The following NBAS variants were observed in gnomAD, a reference collection of about 807,000 sequenced individuals.
The protein encoded by NBAS is NBAS subunit of NRZ tethering complex.
NBAS carries 219 observed loss-of-function variants against 302.5 expected under a neutral mutation model. That is an observed-to-expected ratio of 0.72 (90% CI 0.65 to 0.81). NBAS has a LOEUF of 0.81. Among genes scored for constraint, NBAS ranks in the 30% least tolerant of loss-of-function variants. NBAS has a pLI of 0.00. For synonymous variants in NBAS, 1,118 were observed against 1,021.6 expected (o/e 1.09, Z -1.80); for missense variants, 2,932 against 2,841.6 (o/e 1.03, Z -0.72).
chr2:15,264,688 G>A (rs1392753001), intron 44 of NBAS, among the ~76,000 whole-genome samples: 1 of 152,136 alleles, frequency 6.6e-6, no homozygotes, highest in Non-Finnish European at 1.5e-5. Flanking sequence ...TAAAACACGG[G>A]AGCAGTTATC....
chr2:15,178,847 C>T, intron 51 of NBAS, 141 bp downstream of exon 51: 1 of 1,203,184 alleles, frequency 8.3e-7, no homozygotes, highest in Non-Finnish European at 1.2e-6. Flanking sequence ...AAAACAGGAA[C>T]AGCTATTGTG....
intron 42 of NBAS, 35 bp from the exon 43 acceptor site, chr2:15,277,136 T>C: frequency 1.3e-6 from 2 of 1,594,660 alleles, no homozygotes; most frequent in South Asian, 2.2e-5. Context: ...GTGTTAAGAT[T>C]TTGTTCCTTT....
At chr2:15,052,170 A>G in the NBAS span, among the ~76,000 whole-genome samples, 1 of 152,238 alleles carries the variant, frequency 6.6e-6, no homozygotes, top group Non-Finnish European at 1.5e-5. Context: ...ATAGAAAATT[A>G]CAATAAAAGG....
chr2:15,271,169 CTTAT>C (rs1414434345), intron 44 of NBAS, among the ~76,000 whole-genome samples: 7 of 152,112 alleles, frequency 4.6e-5, no homozygotes, highest in African/African-American at 1.7e-4. Context: ...GAAACGGTGG[CTTAT>C]TTAGAGAATC....
intron 51 of NBAS, among the ~76,000 whole-genome samples, chr2:15,175,058 C>A (rs1178754031): frequency 1.3e-5 from 2 of 152,144 alleles, no homozygotes; most frequent in Non-Finnish European, 1.5e-5. Context: ...GCTCCACCTC[C>A]CGGGTCCACA....
chr2:14,826,240 G>A, the NBAS span, among the ~76,000 whole-genome samples: 275 of 152,292 alleles, frequency 1.8e-3, 1 homozygote, highest in African/African-American at 6.4e-3. Context: ...ACAAGTCTTT[G>A]TAATTATGTA....
chr2:14,837,046 A>G, the NBAS span, among the ~76,000 whole-genome samples: 1 of 151,968 alleles, frequency 6.6e-6, no homozygotes, highest in South Asian at 2.1e-4. Flanking sequence ...TAAAATATTA[A>G]TAATTTTATC....
the NBAS span, among the ~76,000 whole-genome samples, chr2:15,119,283 A>C: frequency 6.6e-6 from 1 of 150,686 alleles, no homozygotes; most frequent in Admixed American, 6.6e-5. Context: ...ATAAAAACTA[A>C]CAATTTTTAG....
Position 15,394,332 on chromosome 2 carries a change from T to C in NBAS, c.3152A>G (p.Glu1051Gly), listed in dbSNP as rs1675761349. 1 of 1,613,076 alleles carries C rather than the reference T, an allele frequency of 6.2e-7. No individual in the cohort carries two copies. Among genetic ancestry groups the C allele is most frequent in the African/African-American group, 1.3e-5 (1 of 74,966 alleles). Residue 1051 changes from glutamate to glycine, a missense_variant, in exon 28 of 52, where the codon GAA (glutamate) becomes GGA (glycine). Glu to Gly is a moderately conservative substitution (Grantham distance 98). Coordinates refer to ENST00000281513, the MANE Select transcript of NBAS (RefSeq NM_015909.4). ...AATTGGTTTCTCGAGTCCATGTTTT[T>C]CCAAAAGCTCTGACACACTATAAGT... is the stretch of plus-strand genomic sequence containing the variant. Reference protein sequence around the residue: ...EQILSVSELLEKHGLEKPISF... With the variant: ...EQILSVSELLGKHGLEKPISF...
At position 15,238,670 on chromosome 2, in the gene NBAS, C is replaced by T. The variant is rs369698072; in HGVS notation, c.5741G>A (p.Arg1914His). 1.1e-5 allele frequency: 17 copies of T among 1,592,342 alleles called. No individual in the cohort carries two copies. Among genetic ancestry groups the T allele is most frequent in the South Asian group, 5.6e-5 (5 of 89,638 alleles). ...KAVTKLSVEA[R>H]KEMTRKAIKT... is the part of the protein sequence containing the mutation. ...AATAGCCTTTCTAGTCATCTCTTTA[C>T]GGGCTTCCACAGACAGCTTAAAAAA... The change falls in exon 45 of 52, where the codon CGT becomes CAT. Residue 1914 changes from arginine (R) to histidine (H), a missense_variant. Coordinates refer to ENST00000281513, the MANE Select transcript of NBAS (RefSeq NM_015909.4).
At chr2:14,836,186 T>C in the NBAS span, among the ~76,000 whole-genome samples, 47 of 152,134 alleles carry the variant, frequency 3.1e-4, no homozygotes, top group African/African-American at 1.1e-3. Context: ...TTGTATTTTC[T>C]GTAAGAGGTT....
At chr2:15,352,415 G>A (rs373065835) in intron 34 of NBAS, among the ~76,000 whole-genome samples, 18 of 152,284 alleles carry the variant, frequency 1.2e-4, no homozygotes, top group African/African-American at 4.1e-4. Context: ...AGACCGAGGC[G>A]AGTTTTAGAG....
chr2:14,871,396 A>C, the NBAS span, among the ~76,000 whole-genome samples: 4 of 152,270 alleles, frequency 2.6e-5, no homozygotes, highest in East Asian at 7.7e-4. Flanking sequence ...GACATCTGAG[A>C]ATATCCATTG....
intron 40 of NBAS, among the ~76,000 whole-genome samples, chr2:15,302,102 T>A (rs2148138822): frequency 6.6e-6 from 1 of 152,226 alleles, no homozygotes; most frequent in East Asian, 1.9e-4. Flanking sequence ...AAGACTGAAT[T>A]AAGGTGAGAA....
At chr2:14,984,259 AC>A in the NBAS span, among the ~76,000 whole-genome samples, 971 of 151,806 alleles carry the variant, frequency 6.4e-3, 13 homozygotes, top group African/African-American at 0.022. Flanking sequence ...TCTGCCCCCT[AC>A]CCTTCCTAGA....
At chr2:15,168,428 G>A (rs1664136602) in intron 51 of NBAS, among the ~76,000 whole-genome samples, 1 of 152,080 alleles carries the variant, frequency 6.6e-6, no homozygotes, top group Non-Finnish European at 1.5e-5. Flanking sequence ...GCCCACTATC[G>A]GATAGCGTGA....
chr2:15,073,498 A>AAAAAAAG, the NBAS span, among the ~76,000 whole-genome samples: 1 of 140,836 alleles, frequency 7.1e-6, no homozygotes. Context: ...AAAATAAAAA[A>AAAAAAAG]TAAAACAATA....
At chr2:14,928,240 C>A in the NBAS span, among the ~76,000 whole-genome samples, 29 of 152,254 alleles carry the variant, frequency 1.9e-4, no homozygotes, top group South Asian at 2.3e-3. Context: ...TGGCACAACC[C>A]TCTGCCTTTG....
chr2:15,209,548 C>A (rs1666311018), intron 48 of NBAS, among the ~76,000 whole-genome samples: 1 of 152,050 alleles, frequency 6.6e-6, no homozygotes, highest in African/African-American at 2.4e-5. Flanking sequence ...GTTCCTACTA[C>A]CCAAAGCAAT....
Sources: allele counts gnomAD v4.1 joint callset (sites outside exome capture counted in the v4.1 genomes callset), GRCh38; gene constraint gnomAD v4.1.1; transcripts MANE v1.5; gene names NCBI Gene and HGNC (gene_info 2026-07-23, HGNC 2026-07-21).